The following FOXK2 variants were observed in gnomAD, a reference collection of about 807,000 sequenced individuals.
The protein encoded by FOXK2 is forkhead box protein K2.
FOXK2 carries 24 observed loss-of-function variants against 53.3 expected under a neutral mutation model. The ratio of observed to expected loss-of-function variants is 0.45; its 90% CI spans 0.33 to 0.63. The LOEUF is 0.63. Among genes scored for constraint, FOXK2 ranks in the 30% least tolerant of loss-of-function variants. The pLI is 0.03. For missense variants in FOXK2, 952 were observed against 910.5 expected, an observed-to-expected ratio of 1.05 and a Z score of -0.59; for synonymous variants, 505 against 407.1, an observed-to-expected ratio of 1.24 and a Z score of -2.89.
Position 82,601,468 on chromosome 17 carries a change from C to T in FOXK2, c.1952C>T (p.Ala651Val). 3 of 1,611,272 alleles carry T rather than the reference C, an allele frequency of 1.9e-6. No homozygotes were observed. The South Asian group carries it at 3.3e-5, about 18-fold the overall frequency. The change falls in exon 9 of 9, where the codon GCA (alanine) becomes GTA (valine). Residue 651 changes from alanine (A) to valine (V), a missense_variant. Coordinates refer to ENST00000335255, the MANE Select transcript of FOXK2 (RefSeq NM_004514.4). ...GCCCTGAGCGTGGACACGCCACCGG[C>T]AGCCGTAAGGGAAAAGGGTGTCCAG... ...VIALSVDTPP[A>V]AVREKGVQN is the part of the protein sequence containing the mutation.
intron 1 of FOXK2, among the ~76,000 whole-genome samples, chr17:82,530,572 G>T (rs2044464276): frequency 6.9e-6 from 1 of 145,126 alleles, no homozygotes; most frequent in African/African-American, 2.5e-5. Flanking sequence ...GTGCAGTGGC[G>T]CCATCTCAGC....
At chr17:82,571,181 T>G (rs746151540) in intron 3 of FOXK2, among the ~76,000 whole-genome samples, 1 of 152,158 alleles carries the variant, frequency 6.6e-6, no homozygotes, top group Admixed American at 6.5e-5. Context: ...TCCACTGAGG[T>G]CAAGCAGCCT....
chr17:82,520,089 G>A lies in FOXK2; in HGVS notation c.201G>A (p.Val67=). ...ACTCGTCGCAGGGCTCGGTGGACGT[G>A]AGCATGGGCCACTCGAGCTTCATCT... The part of the protein sequence containing the change: ...GRNSSQGSVD[V]SMGHSSFISR... The change falls in exon 1 of 9, where the codon GTG becomes GTA. Residue 67 remains valine, a synonymous_variant. Coordinates refer to ENST00000335255, the MANE Select transcript of FOXK2 (RefSeq NM_004514.4). 2 of 1,545,846 alleles carry A rather than the reference G, an allele frequency of 1.3e-6. No individual in the cohort carries two copies. Among genetic ancestry groups the A allele is most frequent in the Admixed American group, 3.8e-5 (2 of 53,218 alleles).
rs751159078 is a variant in FOXK2 at position 82,601,465 on chromosome 17, C to T, written c.1949C>T (p.Pro650Leu). 9.9e-6 allele frequency: 16 copies of T among 1,611,098 alleles called. No homozygotes were observed. Among genetic ancestry groups the T allele is most frequent in the African/African-American group, 2.7e-5 (2 of 74,930 alleles). The change falls in exon 9 of 9, where the codon CCG (proline) becomes CTG (leucine). Residue 650 changes from proline (P) to leucine (L), a missense_variant. Coordinates refer to ENST00000335255, the MANE Select transcript of FOXK2 (RefSeq NM_004514.4). ...ATTGCCCTGAGCGTGGACACGCCAC[C>T]GGCAGCCGTAAGGGAAAAGGGTGTC... The part of the protein sequence containing the change: ...IVIALSVDTP[P>L]AAVREKGVQN
intron 1 of FOXK2, among the ~76,000 whole-genome samples, chr17:82,541,648 A>C (rs2044575607): frequency 6.6e-6 from 1 of 152,056 alleles, no homozygotes; most frequent in South Asian, 2.1e-4. Context: ...ATGAAAACTG[A>C]TAACTTTTTT....
At chr17:82,524,197 G>T (rs9890740) in intron 1 of FOXK2, among the ~76,000 whole-genome samples, 32,045 of 152,160 alleles carry the variant, frequency 0.21, 3,760 homozygotes, top group East Asian at 0.39. Context: ...TCCTAAGGCT[G>T]AAATATTATT....
chr17:82,587,003 G>A, intron 7 of FOXK2, 60 bp from the exon 8 acceptor site: 1 of 1,531,328 alleles, frequency 6.5e-7, no homozygotes, highest in South Asian at 1.1e-5. Context: ...GTTTTAAACT[G>A]GCAAGATTTT....
rs1036328911 is a variant in FOXK2, at chr17:82,556,550, C to T, written c.420-6804C>T. ...CTTAGATGAAAACACAGAGCACCTC[C>T]CTCACCTTGCTGGGGCTGGGGCTGG... On this transcript the variant is annotated intron_variant, in intron 1 of 8. Transcript: ENST00000335255. 2.1e-4 allele frequency among the ~76,000 whole-genome samples: 32 copies of T among 149,228 alleles called. No homozygotes were observed. The East Asian group carries it at 5.4e-3, about 25-fold the overall frequency.
chr17:82,575,618 C>T (rs757734390), intron 4 of FOXK2, among the ~76,000 whole-genome samples: 23 of 152,078 alleles, frequency 1.5e-4, no homozygotes, highest in Non-Finnish European at 1.3e-4. Context: ...CAGAAGACAG[C>T]GACACAAGGA....
chr17:82,594,663 C>T (rs989554949), intron 8 of FOXK2, among the ~76,000 whole-genome samples: 13 of 152,220 alleles, frequency 8.5e-5, no homozygotes, highest in Admixed American at 5.9e-4. Context: ...TGGGGAACGT[C>T]CCCTTGTGAG....
At chr17:82,556,409 A>G (rs189497398) in intron 1 of FOXK2, among the ~76,000 whole-genome samples, 127 of 151,476 alleles carry the variant, frequency 8.4e-4, no homozygotes, top group African/African-American at 3.0e-3. Flanking sequence ...GTTCCATTGC[A>G]CTCCAGTCTG....
intron 1 of FOXK2, among the ~76,000 whole-genome samples, chr17:82,541,306 T>C (rs1394623074): frequency 6.6e-6 from 1 of 151,840 alleles, no homozygotes; most frequent in Non-Finnish European, 1.5e-5. Context: ...AGAGTTGTGC[T>C]GTATCGCCCA....
chr17:82,582,464 C>T (rs1598226770), intron 4 of FOXK2, among the ~76,000 whole-genome samples: 1 of 152,172 alleles, frequency 6.6e-6, no homozygotes, highest in East Asian at 1.9e-4. Context: ...GGGAGGGCTG[C>T]TCCTTCCACA....
At chr17:82,529,804 C>G (rs965794763) in intron 1 of FOXK2, among the ~76,000 whole-genome samples, 8 of 152,200 alleles carry the variant, frequency 5.3e-5, no homozygotes, top group African/African-American at 1.4e-4. Context: ...GTCTTGCTAT[C>G]CCTGGTTGTA....
chr17:82,557,222 G>A (rs959294730), intron 1 of FOXK2, among the ~76,000 whole-genome samples: 9 of 149,732 alleles, frequency 6.0e-5, no homozygotes, highest in Admixed American at 4.7e-4. Flanking sequence ...AATAGAGATG[G>A]GGTTTCTCCA....
At chr17:82,588,775 G>C (rs1385428299) in intron 8 of FOXK2, among the ~76,000 whole-genome samples, 1 of 151,832 alleles carries the variant, frequency 6.6e-6, no homozygotes, top group South Asian at 2.1e-4. Context: ...TCCCTGCCTG[G>C]TATAGTGCCT....
intron 8 of FOXK2, among the ~76,000 whole-genome samples, chr17:82,595,053 T>C (rs183384885): frequency 1.3e-5 from 2 of 152,140 alleles, no homozygotes; most frequent in East Asian, 1.9e-4. Context: ...AGTAAGTAAA[T>C]GGAGGAATAG....
chr17:82,585,095 G>T (rs979675655), intron 6 of FOXK2, among the ~76,000 whole-genome samples: 1 of 152,204 alleles, frequency 6.6e-6, no homozygotes, highest in Admixed American at 6.5e-5. Flanking sequence ...CCCTCTCTTT[G>T]CTCTAAGCCC....
At chr17:82,541,161 G>T (rs1001372510) in intron 1 of FOXK2, among the ~76,000 whole-genome samples, 2 of 152,194 alleles carry the variant, frequency 1.3e-5, no homozygotes, top group Admixed American at 6.5e-5. Context: ...AACCTCAGGG[G>T]CGTGCAGGGA....
Sources: allele counts gnomAD v4.1 joint callset (sites outside exome capture counted in the v4.1 genomes callset), GRCh38; gene constraint gnomAD v4.1.1; transcripts MANE v1.5; gene names NCBI Gene and HGNC (gene_info 2026-07-23, HGNC 2026-07-21).